CELF2: variants seen among roughly 807,000 people sequenced by gnomAD.
CELF2 encodes CUG triplet repeat RNA-binding protein 2.
CELF2 carries 8 observed loss-of-function variants against 62.6 expected under a neutral mutation model. That is an observed-to-expected ratio of 0.13 (90% CI 0.07 to 0.23). CELF2 has a LOEUF of 0.23. Among genes scored for constraint, CELF2 ranks in the 10% least tolerant of loss-of-function variants. The pLI, the probability that CELF2 is intolerant of heterozygous loss-of-function variation, is 1.00. For synonymous variants in CELF2, 258 were observed against 250.0 expected (o/e 1.03, Z -0.30); for missense variants, 333 against 671.0 (o/e 0.50, Z 5.56).
the CELF2 span, among the ~76,000 whole-genome samples, chr10:10,676,010 G>A: frequency 6.6e-6 from 1 of 152,114 alleles, no homozygotes; most frequent in Admixed American, 6.6e-5. Context: ...AGTATGGCTT[G>A]TAATCTTTTC....
chr10:10,870,353 T>A (rs185927759), intron 1 of CELF2, among the ~76,000 whole-genome samples: 113 of 152,288 alleles, frequency 7.4e-4, no homozygotes, highest in African/African-American at 2.6e-3. Flanking sequence ...TATTTAAGTC[T>A]TCTCAATAAT....
At chr10:10,745,128 CAA>C in the CELF2 span, among the ~76,000 whole-genome samples, 4 of 98,358 alleles carry the variant, frequency 4.1e-5, no homozygotes, top group East Asian at 3.2e-4. Context: ...AAAAAAAAAA[CAA>C]AACAAAAAAA....
rs2078304299 is a variant in CELF2 at position 11,255,144 on chromosome 10, C to G, written c.404-2594C>G. 6.6e-6 allele frequency among the ~76,000 whole-genome samples: 1 copy of G among 152,248 alleles called. No individual in the cohort carries two copies. The highest frequency in any genetic ancestry group is 1.5e-5 in the Non-Finnish European group (1 of 68,046). ...TGACTGACCAGGCTTCACCAGTTCACAGCGGATCCATGCTACTTTGCCTTC... is the reference window on the plus strand; with the variant it reads ...TGACTGACCAGGCTTCACCAGTTCAGAGCGGATCCATGCTACTTTGCCTTC... On this transcript the variant is annotated intron_variant, in intron 4 of 12. Transcript: ENST00000633077. The surrounding 1 kb of genome is among the most constrained non-coding windows in gnomAD (Gnocchi z 5.5).
chr10:10,732,178 G>A, the CELF2 span, among the ~76,000 whole-genome samples: 1 of 152,096 alleles, frequency 6.6e-6, no homozygotes, highest in Non-Finnish European at 1.5e-5. Context: ...ACTTCTCTGG[G>A]GTCCGGCATG....
intron 1 of CELF2, among the ~76,000 whole-genome samples, chr10:10,894,896 CA>C (rs1251292151): frequency 6.6e-6 from 1 of 152,118 alleles, no homozygotes; most frequent in African/African-American, 2.4e-5. Flanking sequence ...GCTGTGTTTG[CA>C]AATAATTTCT....
At chr10:11,141,434 A>G (rs2061344831) in intron 1 of CELF2, among the ~76,000 whole-genome samples, 1 of 152,234 alleles carries the variant, frequency 6.6e-6, no homozygotes, top group African/African-American at 2.4e-5. Context: ...GCCACAAGAA[A>G]GCTCCTGAAA....
chr10:10,905,935 G>A (rs561249781), intron 1 of CELF2, among the ~76,000 whole-genome samples: 2 of 151,982 alleles, frequency 1.3e-5, no homozygotes, highest in African/African-American at 2.4e-5. Context: ...GCCGGGCATG[G>A]TGGCATGCAC....
chr10:10,539,538 A>G, the CELF2 span, among the ~76,000 whole-genome samples: 1 of 151,392 alleles, frequency 6.6e-6, no homozygotes, highest in African/African-American at 2.4e-5. Flanking sequence ...CACTATACAG[A>G]TGGCAAAAGT....
chr10:10,545,323 G>GC, the CELF2 span, among the ~76,000 whole-genome samples: 1 of 152,152 alleles, frequency 6.6e-6, no homozygotes, highest in Non-Finnish European at 1.5e-5. Flanking sequence ...TCAGGTTCCA[G>GC]CAGTTGCCCT....
At chr10:10,850,376 G>T (rs2059310205) in intron 1 of CELF2, among the ~76,000 whole-genome samples, 1 of 152,144 alleles carries the variant, frequency 6.6e-6, no homozygotes, top group African/African-American at 2.4e-5. Context: ...CTCCACCACT[G>T]CTGACTCTCA....
At chr10:10,654,119 A>T in the CELF2 span, among the ~76,000 whole-genome samples, 4 of 145,878 alleles carry the variant, frequency 2.7e-5, no homozygotes. Context: ...AAAATCTAGA[A>T]GAAATGGATA....
chr10:10,497,258 C>G, the CELF2 span, among the ~76,000 whole-genome samples: 8 of 149,904 alleles, frequency 5.3e-5, no homozygotes, highest in African/African-American at 2.0e-4. Context: ...AGGGAGCTAT[C>G]TAGATTCACA....
At position 10,928,607 on chromosome 10, in the gene CELF2, T is replaced by G. The variant is rs1337944629; in HGVS notation, c.89+8608T>G. ...GGCAGAGACGGTATAGCCCCCAAAC[T>G]GAAAATATTTACTGTTTACTTTTAT... On this transcript the variant is annotated intron_variant, in intron 2 of 13. Transcript: ENST00000636488. This position sits in a 1 kb window ranked among gnomAD's most constrained non-coding sequence, Gnocchi z 4.8. 6.6e-6 allele frequency among the ~76,000 whole-genome samples: 1 copy of G among 152,170 alleles called. No homozygotes were observed. The highest frequency in any genetic ancestry group is 1.5e-5 in the Non-Finnish European group (1 of 68,022).
At position 11,260,260 on chromosome 10, in the gene CELF2, C is replaced by A. The variant is rs1054289997; in HGVS notation, c.538+2388C>A. Reference sequence around the variant, plus strand: ...TCTGCATGTGTTAGCGGAGAGACCCCGGGCGGGCAGTATGTGTGCTTGATT... The same window carrying A: ...TCTGCATGTGTTAGCGGAGAGACCCAGGGCGGGCAGTATGTGTGCTTGATT... On this transcript the variant is annotated intron_variant, in intron 5 of 12. Transcript: ENST00000633077. This position sits in a 1 kb window ranked among gnomAD's most constrained non-coding sequence, Gnocchi z 4.2. 7.2e-5 allele frequency among the ~76,000 whole-genome samples: 11 copies of A among 152,148 alleles called. No individual in the cohort carries two copies. Among genetic ancestry groups the A allele is most frequent in the Admixed American group, 6.5e-4 (10 of 15,276 alleles).
chr10:11,254,720 T>C (rs890730199), intron 4 of CELF2, among the ~76,000 whole-genome samples: 3 of 152,210 alleles, frequency 2.0e-5, no homozygotes, highest in Non-Finnish European at 4.4e-5. Context: ...TTTGCTTTTG[T>C]TTAAAAGAAC....
chr10:11,262,940 C>CTTTTTTTTTTTTTTTTTTTTTTTT lies in CELF2; in HGVS notation c.539-3654_539-3631dup, dbSNP rs553831640. 6.1e-4 allele frequency among the ~76,000 whole-genome samples: 32 copies of CTTTTTTTTTTTTTTTTTTTTTTTT among 52,766 alleles called. 6 individuals carry two copies. Among genetic ancestry groups the CTTTTTTTTTTTTTTTTTTTTTTTT allele is most frequent in the South Asian group, 2.3e-3 (2 of 858 alleles). 34.6% of individuals were successfully genotyped at this position (52,766 alleles called of 152,430 possible). A position where few individuals can be genotyped will look rare whatever the true frequency, so the allele number is the denominator to read the frequency against. On this transcript the variant is annotated intron_variant, in intron 5 of 12. Coordinates refer to ENST00000633077, the MANE Select transcript of CELF2 (RefSeq NM_001326342.2). ...GTTCATGCTTTTAAAAGTGGCTTTACTTTTTTTTTTTTTTTTTTTTTTTTT... is the reference window on the plus strand; with the variant it reads ...GTTCATGCTTTTAAAAGTGGCTTTACTTTTTTTTTTTTTTTTTTTTTTTTTTTTTTTTTTTTTTTTTTTTTTTTT...
rs1288565438 is a variant in CELF2 at position 10,990,929 on chromosome 10, G to A, written c.89+70930G>A. 2.0e-5 allele frequency among the ~76,000 whole-genome samples: 3 copies of A among 152,092 alleles called. No individual in the cohort carries two copies. Among genetic ancestry groups the A allele is most frequent in the Admixed American group, 6.6e-5 (1 of 15,248 alleles). On this transcript the variant is annotated intron_variant, in intron 2 of 13. Coordinates refer to the CELF2 transcript ENST00000636488. This position sits in a 1 kb window ranked among gnomAD's most constrained non-coding sequence, Gnocchi z 4.6. Reference sequence around the variant, plus strand: ...TTCATTTAAAGAATGAAAATGAAATGCATTCCAGTGCTTACAGCATCTTTT... The same window carrying A: ...TTCATTTAAAGAATGAAAATGAAATACATTCCAGTGCTTACAGCATCTTTT...
intron 9 of CELF2, among the ~76,000 whole-genome samples, chr10:11,310,265 C>T (rs1434956940): frequency 1.3e-5 from 2 of 152,084 alleles, no homozygotes; most frequent in Admixed American, 1.3e-4. Flanking sequence ...AAACCATAAC[C>T]CTGTGTATTT....
intron 1 of CELF2, among the ~76,000 whole-genome samples, chr10:10,919,615 A>C (rs550839971): frequency 2.1e-4 from 32 of 152,336 alleles, no homozygotes; most frequent in African/African-American, 7.5e-4. Context: ...TGCTTCGTTT[A>C]ACATGTAAAT....
Sources: allele counts gnomAD v4.1 joint callset (sites outside exome capture counted in the v4.1 genomes callset), GRCh38; gene constraint gnomAD v4.1.1; non-coding constraint Gnocchi (gnomAD v3.1); transcripts MANE v1.5; gene names NCBI Gene and HGNC (gene_info 2026-07-23, HGNC 2026-07-21).